Variants in FBXL17 observed in about 807,000 individuals in gnomAD.
FBXL17 encodes F-box and leucine rich repeat protein 17.
FBXL17 carries 22 observed loss-of-function variants against 66.2 expected under a neutral mutation model. The ratio of observed to expected loss-of-function variants is 0.33; its 90% confidence interval spans 0.24 to 0.47. The LOEUF is 0.47. FBXL17 is among the 20% of genes least tolerant of loss of function. FBXL17 has a pLI of 1.00. For missense variants in FBXL17, 878 were observed against 948.2 expected (o/e 0.93, Z 0.97); for synonymous variants, 474 against 400.5 (o/e 1.18, Z -2.19).
At chr5:108,295,270 T>A (rs897980991) in intron 4 of FBXL17, among the ~76,000 whole-genome samples, 1 of 151,868 alleles carries the variant, frequency 6.6e-6, no homozygotes, top group African/African-American at 2.4e-5. Flanking sequence ...CAAATTCATA[T>A]ACTTTTCCAA....
chr5:108,124,033 A>G (rs1750602664), intron 6 of FBXL17, among the ~76,000 whole-genome samples: 1 of 152,132 alleles, frequency 6.6e-6, no homozygotes, highest in Non-Finnish European at 1.5e-5. Context: ...AGGGTAAAGG[A>G]TCACTTCACA....
In FBXL17 at chr5:108,209,807, G is replaced by T. The variant is rs190827685; in HGVS notation, c.1614+14314C>A. ...GTGTCACTACCAGGTTTTGGTAACA[G>T]GATGATGCTGGCCACATAAAATGAG... On this transcript the variant is annotated intron_variant, in intron 5 of 8. Transcript: ENST00000542267. Among the ~76,000 whole-genome samples the T allele has an allele frequency of 2.8e-4, 43 of 152,266 alleles. No individual in the cohort carries two copies. In the South Asian group the frequency reaches 7.1e-3, roughly 25 times the overall value.
intron 4 of FBXL17, among the ~76,000 whole-genome samples, chr5:108,323,552 C>A (rs1437204777): frequency 2.0e-5 from 3 of 151,678 alleles, no homozygotes; most frequent in African/African-American, 7.3e-5. Context: ...CAATACAATC[C>A]CTATCAAAAT....
At chr5:107,879,702 T>A (rs1748721030) in intron 8 of FBXL17, 1 of 985,328 alleles carries the variant, frequency 1.0e-6, no homozygotes, top group Non-Finnish European at 1.2e-6. Flanking sequence ...GAATGGCGTG[T>A]CTATTTAGTT....
intron 6 of FBXL17, among the ~76,000 whole-genome samples, chr5:108,148,451 C>G (rs187546265): frequency 7.7e-4 from 117 of 152,268 alleles, no homozygotes; most frequent in Non-Finnish European, 1.4e-3. Context: ...TAGCGGAGCC[C>G]CAAACCATCT....
intron 3 of FBXL17, among the ~76,000 whole-genome samples, chr5:108,349,460 T>C (rs1747503882): frequency 6.6e-6 from 1 of 152,170 alleles, no homozygotes; most frequent in Non-Finnish European, 1.5e-5. Context: ...CTGTCTCAAG[T>C]AATGACATCA....
Position 108,193,282 on chromosome 5 carries a change from C to T in FBXL17, c.1615-7035G>A, listed in dbSNP as rs569537976. Among the ~76,000 whole-genome samples, 15 of 151,964 alleles carry T rather than the reference C, an allele frequency of 9.9e-5. No individual in the cohort carries two copies. In the East Asian group the frequency reaches 2.7e-3, roughly 28 times the overall value. Reference sequence around the variant, plus strand: ...TGGAGACCAAGGGAGATCCTAAAGGCAGAGGAAGAGAGAAGGGTCAGAGAA... The same window carrying T: ...TGGAGACCAAGGGAGATCCTAAAGGTAGAGGAAGAGAGAAGGGTCAGAGAA... On this transcript the variant is annotated intron_variant, in intron 5 of 8. Coordinates refer to ENST00000542267, the MANE Select transcript of FBXL17 (RefSeq NM_001163315.3).
intron 7 of FBXL17, among the ~76,000 whole-genome samples, chr5:107,938,137 T>C (rs1345525407): frequency 6.6e-6 from 1 of 152,132 alleles, no homozygotes; most frequent in African/African-American, 2.4e-5. Context: ...AGGCTTCTTG[T>C]GGATCATGCA....
At position 108,292,865 on chromosome 5, in the gene FBXL17, C is replaced by T. The variant is rs368468817; in HGVS notation, c.1506+55534G>A. Among the ~76,000 whole-genome samples, 187 of 152,130 alleles carry T rather than the reference C, an allele frequency of 1.2e-3. 7 individuals are homozygous for T. In the South Asian group the frequency reaches 0.038, roughly 31 times the overall value. On this transcript the variant is annotated intron_variant, in intron 4 of 8. Transcript: ENST00000542267. The stretch of plus-strand genomic sequence containing the variant: ...CTGTAATCCCAGCACATTGGGAGGA[C>T]GAGGCGGGTGGATCACGAGGTCAGG...
At chr5:107,939,241 G>C (rs550382901) in intron 7 of FBXL17, among the ~76,000 whole-genome samples, 1 of 152,014 alleles carries the variant, frequency 6.6e-6, no homozygotes, top group Non-Finnish European at 1.5e-5. Context: ...TAAAAATGTC[G>C]TAATAATGTT....
intron 7 of FBXL17, among the ~76,000 whole-genome samples, chr5:108,000,598 T>C (rs925461924): frequency 6.6e-6 from 1 of 152,204 alleles, no homozygotes; most frequent in African/African-American, 2.4e-5. Flanking sequence ...TAACATCCTA[T>C]ACTAATGTAA....
At chr5:107,898,879 T>C (rs908771935) in intron 7 of FBXL17, among the ~76,000 whole-genome samples, 2 of 152,180 alleles carry the variant, frequency 1.3e-5, no homozygotes, top group African/African-American at 2.4e-5. Flanking sequence ...TTGATGGGCA[T>C]TTGGGTTCCA....
At chr5:107,922,194 G>A (rs1380412604) in intron 7 of FBXL17, among the ~76,000 whole-genome samples, 4 of 152,210 alleles carry the variant, frequency 2.6e-5, no homozygotes, top group Non-Finnish European at 5.9e-5. Flanking sequence ...GTGGGCACTA[G>A]AGTCACTAAT....
chr5:108,091,293 T>C (rs753787147), intron 6 of FBXL17, among the ~76,000 whole-genome samples: 10 of 152,236 alleles, frequency 6.6e-5, no homozygotes, highest in Non-Finnish European at 1.0e-4. Context: ...TATTGAGTCC[T>C]TCCCACAGAC....
At chr5:108,053,385 A>G (rs1490802627) in intron 6 of FBXL17, among the ~76,000 whole-genome samples, 1 of 152,214 alleles carries the variant, frequency 6.6e-6, no homozygotes, top group Non-Finnish European at 1.5e-5. Context: ...TGGGCAAAGG[A>G]TATGAACAGA....
At chr5:108,303,443 G>T (rs1758692301) in intron 4 of FBXL17, among the ~76,000 whole-genome samples, 1 of 150,890 alleles carries the variant, frequency 6.6e-6, no homozygotes, top group African/African-American at 2.4e-5. Context: ...TCATATGTTG[G>T]TCTTCCAATT....
chr5:108,168,507 GA>G (rs1580545494), intron 6 of FBXL17, among the ~76,000 whole-genome samples: 1 of 152,234 alleles, frequency 6.6e-6, no homozygotes. Flanking sequence ...TAGAACGTTT[GA>G]AATAACCCAT....
chr5:107,937,737 CATGAG>C (rs1478563893), intron 7 of FBXL17, among the ~76,000 whole-genome samples: 1 of 152,090 alleles, frequency 6.6e-6, no homozygotes, highest in Non-Finnish European at 1.5e-5. Context: ...TGAATTACAG[CATGAG>C]ATCACGTACT....
intron 4 of FBXL17, among the ~76,000 whole-genome samples, chr5:108,282,952 A>C (rs1200022135): frequency 7.3e-5 from 11 of 151,516 alleles, no homozygotes; most frequent in Non-Finnish European, 1.6e-4. Context: ...TTAGGAAGTG[A>C]AAAATCTCTG....
Sources: gnomAD v4.1 joint callset for allele counts (sites outside exome capture counted in the v4.1 genomes callset) on GRCh38, gnomAD v4.1.1 for gene constraint, MANE v1.5 for transcripts, NCBI Gene and HGNC (gene_info 2026-07-23, HGNC 2026-07-21) for gene names.